PTPRN2: variants seen among roughly 807,000 people sequenced by gnomAD.
The protein encoded by PTPRN2 is protein tyrosine phosphatase receptor type N2, also known as receptor-type tyrosine-protein phosphatase N2.
PTPRN2 carries 74 observed loss-of-function variants against 118.8 expected under a neutral mutation model. The observed-to-expected ratio is 0.62, with a 90% confidence interval of 0.52 to 0.76. The LOEUF is 0.76. Among genes scored for constraint, PTPRN2 ranks in the 30% least tolerant of loss-of-function variants. PTPRN2 has a pLI of 0.00. For synonymous variants in PTPRN2, 641 were observed against 608.0 expected (o/e 1.05, Z -0.80); for missense variants, 1,481 against 1,394.4 (o/e 1.06, Z -0.99).
Position 157,927,266 on chromosome 7 carries a change from G to C in PTPRN2, c.1724-28529C>G, listed in dbSNP as rs1329009725. On this transcript the variant is annotated intron_variant, in intron 11 of 22. Coordinates refer to ENST00000389418, the MANE Select transcript of PTPRN2 (RefSeq NM_002847.5). ...GCCTCGCGTCTTCTGGGACCCCAAA[G>C]ATAGGAAGCCCCAGGGACCCGTCTG... 5.4e-3 allele frequency among the ~76,000 whole-genome samples: 269 copies of C among 50,106 alleles called. 40 individuals are homozygous for C. The highest frequency in any genetic ancestry group is 7.7e-3 in the Non-Finnish European group (191 of 24,686). The allele number at this position is 50,106 out of a possible 152,430, so 32.9% of individuals were successfully genotyped here.
intron 3 of PTPRN2, among the ~76,000 whole-genome samples, chr7:158,235,714 T>A (rs1829488116): frequency 6.6e-6 from 1 of 152,250 alleles, no homozygotes; most frequent in Admixed American, 6.5e-5. Flanking sequence ...GTATGTATGT[T>A]TCAAATTAGC....
In PTPRN2 at chr7:157,780,561, G is replaced by C. The variant is rs1803615696; in HGVS notation, c.1789-97624C>G. Among the ~76,000 whole-genome samples the C allele has an allele frequency of 6.6e-6, 1 of 152,206 alleles. No homozygotes were observed. Among genetic ancestry groups the C allele is most frequent in the Non-Finnish European group, 1.5e-5 (1 of 68,036 alleles). ...AAGTCAGGCATACAGCAGCCCTCTT[G>C]CTGGCTTCCAGTACTGGCTCTGCAC... On this transcript the variant is annotated intron_variant, in intron 12 of 22. Coordinates refer to ENST00000389418, the MANE Select transcript of PTPRN2 (RefSeq NM_002847.5). This position sits in a 1 kb window ranked among gnomAD's most constrained non-coding sequence, Gnocchi z 4.5.
Position 158,526,850 on chromosome 7 carries a change from A to G in PTPRN2, c.113-37065T>C, listed in dbSNP as rs1440986613. Among the ~76,000 whole-genome samples the G allele has an allele frequency of 6.6e-6, 1 of 152,110 alleles. No individual in the cohort carries two copies. Among genetic ancestry groups the G allele is most frequent in the African/African-American group, 2.4e-5 (1 of 41,430 alleles). On this transcript the variant is annotated intron_variant, in intron 1 of 22. Transcript: ENST00000389418. The surrounding 1 kb of genome is among the most constrained non-coding windows in gnomAD (Gnocchi z 5.2). ...CTCTCATCTTGGACTTTCGGCCTCC[A>G]GGACTCAGAAATGTCTGTTGTTTGC...
In PTPRN2 at chr7:157,903,386, G is replaced by T. The variant is rs377463911; in HGVS notation, c.1724-4649C>A. On this transcript the variant is annotated intron_variant, in intron 11 of 22. Transcript: ENST00000389418. The surrounding 1 kb of genome is among the most constrained non-coding windows in gnomAD (Gnocchi z 4.2). ...CCCCAAACCTCAGCATCACCAGTAT[G>T]CCCAGGTCACAAGTGTACCCCAAAC... Among the ~76,000 whole-genome samples, 2 of 152,148 alleles carry T rather than the reference G, an allele frequency of 1.3e-5. No individual in the cohort carries two copies. Among genetic ancestry groups the T allele is most frequent in the African/African-American group, 4.8e-5 (2 of 41,512 alleles).
rs1796233 is a variant in PTPRN2, at chr7:157,693,931, C to T, written c.1789-10994G>A. 4.4e-4 allele frequency among the ~76,000 whole-genome samples: 67 copies of T among 152,350 alleles called. No individual in the cohort carries two copies. In the East Asian group the frequency reaches 0.012, roughly 27 times the overall value. On this transcript the variant is annotated intron_variant, in intron 12 of 22. Coordinates refer to ENST00000389418, the MANE Select transcript of PTPRN2 (RefSeq NM_002847.5). ...TCTCCACGGCGGCGCAGACCGCACGCGGCCACCCTGGGCCTCGGACAGGGC... is the reference window on the plus strand; with the variant it reads ...TCTCCACGGCGGCGCAGACCGCACGTGGCCACCCTGGGCCTCGGACAGGGC...
At chr7:158,416,649 G>A (rs942725017) in intron 2 of PTPRN2, among the ~76,000 whole-genome samples, 2 of 152,006 alleles carry the variant, frequency 1.3e-5, no homozygotes, top group African/African-American at 4.8e-5. Context: ...AAAAGGGATG[G>A]TGCTGGAAGT....
At chr7:158,330,535 C>G (rs1375467320) in intron 2 of PTPRN2, among the ~76,000 whole-genome samples, 3 of 71,102 alleles carry the variant, frequency 4.2e-5, no homozygotes, top group Middle Eastern at 9.4e-3. Context: ...ACCATAAGAG[C>G]TGACACCCGC....
At chr7:158,532,926 A>G (rs1586889123) in intron 1 of PTPRN2, 1 of 428,426 alleles carries the variant, frequency 2.3e-6, no homozygotes, top group Admixed American at 2.4e-5. Flanking sequence ...CTCCCTCCTG[A>G]CTGGCCTCTC....
chr7:158,155,956 C>A (rs114422974), intron 6 of PTPRN2, among the ~76,000 whole-genome samples: 1 of 152,196 alleles, frequency 6.6e-6, no homozygotes, highest in African/African-American at 2.4e-5. Flanking sequence ...TTATCGCATT[C>A]TCTCCTCATT....
intron 15 of PTPRN2, chr7:157,616,272 G>C (rs74682792): frequency 0.012 from 1,894 of 152,666 alleles, 36 homozygotes; most frequent in African/African-American, 0.043. Context: ...GAACTGTGTG[G>C]AGTATCAACG....
At chr7:158,155,050 G>A (rs1426497114) in intron 6 of PTPRN2, among the ~76,000 whole-genome samples, 2 of 152,186 alleles carry the variant, frequency 1.3e-5, no homozygotes, top group African/African-American at 4.8e-5. Context: ...ACTGCACCAC[G>A]TAATTCTGCA....
At chr7:158,270,860 A>C (rs919619239) in intron 3 of PTPRN2, among the ~76,000 whole-genome samples, 1 of 7,658 alleles carries the variant, frequency 1.3e-4, no homozygotes. Context: ...CCGCCCCCCC[A>C]CCTGGACCGC....
At chr7:158,086,283 G>C (rs192137412) in intron 10 of PTPRN2, among the ~76,000 whole-genome samples, 10 of 151,654 alleles carry the variant, frequency 6.6e-5, no homozygotes, top group Non-Finnish European at 1.2e-4. Context: ...TAGAAACCAG[G>C]CCTCTGCACG....
At chr7:158,397,368 C>A (rs1812594722) in intron 2 of PTPRN2, among the ~76,000 whole-genome samples, 1 of 152,156 alleles carries the variant, frequency 6.6e-6, no homozygotes, top group African/African-American at 2.4e-5. Flanking sequence ...AACCAGCCCT[C>A]CCAGCGGCAG....
At chr7:158,372,243 GCC>G (rs1810077001) in intron 2 of PTPRN2, among the ~76,000 whole-genome samples, 2 of 151,038 alleles carry the variant, frequency 1.3e-5, no homozygotes, top group East Asian at 2.0e-4. Flanking sequence ...CCCGGAGCTG[GCC>G]TCCCCAGTGC....
chr7:158,020,046 T>C (rs1398996644), intron 11 of PTPRN2, among the ~76,000 whole-genome samples: 1 of 152,204 alleles, frequency 6.6e-6, no homozygotes, highest in Non-Finnish European at 1.5e-5. Flanking sequence ...GCTTCTGCAC[T>C]GCAGCTCATC....
intron 9 of PTPRN2, among the ~76,000 whole-genome samples, chr7:158,132,364 CAT>C (rs1818410724): frequency 1.3e-5 from 2 of 151,870 alleles, no homozygotes; most frequent in Admixed American, 6.6e-5. Context: ...ATCTACCCGA[CAT>C]ACACTCATAC....
chr7:158,178,599 T>C lies in PTPRN2; in HGVS notation c.550-11308A>G, dbSNP rs1463377951. ...TACTACATTTTCTTTCTTTTTTTTT[T>C]TTTTTTTTTTTTTTTTTAAGATGGA... On this transcript the variant is annotated intron_variant, in intron 5 of 22. Coordinates refer to ENST00000389418, the MANE Select transcript of PTPRN2 (RefSeq NM_002847.5). Among the ~76,000 whole-genome samples the C allele has an allele frequency of 3.2e-3, 441 of 139,636 alleles. 2 individuals are homozygous for C. Among genetic ancestry groups the C allele is most frequent in the African/African-American group, 0.011 (430 of 37,748 alleles). 91.6% of individuals were successfully genotyped at this position (139,636 alleles called of 152,430 possible).
Position 158,092,274 on chromosome 7 carries a change from A to G in PTPRN2, c.1644-10897T>C, listed in dbSNP as rs191429203. Among the ~76,000 whole-genome samples the G allele has an allele frequency of 5.6e-3, 745 of 132,816 alleles. 4 individuals are homozygous for G. The highest frequency in any genetic ancestry group is 0.021 in the African/African-American group (711 of 33,438). 87.1% of individuals were successfully genotyped at this position (132,816 alleles called of 152,430 possible). ...TATACATGTGCATATATATACATATATGTGTGTGTGTATATATATGTAGGT... is the reference window on the plus strand; with the variant it reads ...TATACATGTGCATATATATACATATGTGTGTGTGTGTATATATATGTAGGT... On this transcript the variant is annotated intron_variant, in intron 10 of 22. Transcript: ENST00000389418.
Sources: gnomAD v4.1 joint callset for allele counts (sites outside exome capture counted in the v4.1 genomes callset) on GRCh38, gnomAD v4.1.1 for gene constraint, Gnocchi (gnomAD v3.1) non-coding constraint, MANE v1.5 for transcripts, NCBI Gene and HGNC (gene_info 2026-07-23, HGNC 2026-07-21) for gene names.